Variants in STS observed in about 807,000 individuals in gnomAD.
STS encodes the protein steryl-sulfatase.
A neutral mutation model predicts 26.8 loss-of-function variants in STS; 7 were observed. The ratio of observed to expected loss-of-function variants is 0.26; its 90% CI spans 0.15 to 0.49. The LOEUF (loss-of-function observed/expected upper bound fraction) is 0.49, where lower values mean the gene tolerates loss of function less well. Among genes scored for constraint, STS ranks in the 20% least tolerant of loss-of-function variants. The pLI is 0.98. For synonymous variants in STS, 199 were observed against 189.4 expected, an observed-to-expected ratio of 1.05 and a Z score of -0.42; for missense variants, 434 against 465.6, an observed-to-expected ratio of 0.93 and a Z score of 0.63.
intron 1 of STS, among the ~76,000 whole-genome samples, chrX:7,159,144 C>T (rs1280734794): frequency 2.7e-5 from 3 of 109,500 alleles, no homozygotes; most frequent in African/African-American, 1.0e-4. Flanking sequence ...TTTCCTTTTT[C>T]CCTAAATGCT....
chrX:7,304,947 T>A, intron 7 of STS, 99 bp from the exon 8 acceptor site: 1 of 1,020,657 alleles, frequency 9.8e-7, no homozygotes. Flanking sequence ...GAACGTTTAC[T>A]TCCACCTTGA....
At chrX:7,266,400 C>T (rs1193733445) in intron 6 of STS, among the ~76,000 whole-genome samples, 1 of 111,772 alleles carries the variant, frequency 8.9e-6, no homozygotes, top group Non-Finnish European at 1.9e-5. Flanking sequence ...GTGATTCTTG[C>T]AAATGAGGTC....
intron 10 of STS, among the ~76,000 whole-genome samples, chrX:7,344,984 T>C (rs1163039987): frequency 1.8e-5 from 2 of 111,307 alleles, no homozygotes; most frequent in Non-Finnish European, 3.8e-5. Flanking sequence ...TTATGGACTG[T>C]TGTGACTGCT....
At chrX:7,299,412 T>C (rs1420292020) in intron 7 of STS, among the ~76,000 whole-genome samples, 1 of 102,549 alleles carries the variant, frequency 9.8e-6, no homozygotes, top group Non-Finnish European at 1.9e-5. Flanking sequence ...ATAAAATATA[T>C]AATTTTATAT....
At chrX:7,245,648 G>C (rs1043995151) in intron 2 of STS, among the ~76,000 whole-genome samples, 31 of 112,549 alleles carry the variant, frequency 2.8e-4, no homozygotes, top group African/African-American at 9.7e-4. Flanking sequence ...CCTGGCTGCA[G>C]AATGCTTCCA....
intron 1 of STS, among the ~76,000 whole-genome samples, chrX:7,168,793 G>A (rs1476916014): frequency 1.8e-5 from 2 of 111,584 alleles, no homozygotes; most frequent in East Asian, 5.6e-4. Context: ...AGATGCCTGG[G>A]TCTGGTGCCA....
intron 2 of STS, among the ~76,000 whole-genome samples, chrX:7,199,474 C>T (rs1934030187): frequency 1.8e-5 from 2 of 111,791 alleles, no homozygotes; most frequent in South Asian, 7.4e-4. Flanking sequence ...ATCGTGTTTT[C>T]ACAGTTTCCT....
At position 7,246,602 on chromosome X, in the gene STS, G is replaced by A. The variant is rs759256691; in HGVS notation, c.-4-6594G>A. 2.5e-3 allele frequency among the ~76,000 whole-genome samples: 277 copies of A among 111,516 alleles called. 3 individuals carry two copies. Among genetic ancestry groups the A allele is most frequent in the African/African-American group, 8.0e-3 (245 of 30,754 alleles). On this transcript the variant is annotated intron_variant, in intron 2 of 10. Transcript: ENST00000674429. ...ATTACAGGCGTGAGCCACCGCGCCC[G>A]GCCCTGGGAGAGACTTTCAACTTAG...
At chrX:7,326,162 C>T (rs1927458242) in intron 9 of STS, among the ~76,000 whole-genome samples, 1 of 110,327 alleles carries the variant, frequency 9.1e-6, no homozygotes, top group South Asian at 3.9e-4. Context: ...TGCACTGAGG[C>T]CACTGCTGAG....
intron 1 of STS, among the ~76,000 whole-genome samples, chrX:7,178,644 A>G (rs1309863298): frequency 8.9e-6 from 1 of 112,348 alleles, no homozygotes; most frequent in East Asian, 2.8e-4. Flanking sequence ...TTCCTTTCCT[A>G]ACAAACTTCT....
intron 2 of STS, among the ~76,000 whole-genome samples, chrX:7,233,091 C>CTTTTTTTTTTTT (rs3077766): frequency 2.9e-5 from 2 of 69,872 alleles, no homozygotes; most frequent in Admixed American, 2.0e-4. Flanking sequence ...TTCTTTTTTT[C>CTTTTTTTTTTTT]TTTTTTTTTT....
At chrX:7,204,863 C>G (rs1934168963) in intron 2 of STS, among the ~76,000 whole-genome samples, 1 of 107,208 alleles carries the variant, frequency 9.3e-6, no homozygotes, top group Admixed American at 1.0e-4. Context: ...CTTTGCTTGC[C>G]TCCCTTTTTT....
At chrX:7,276,237 C>CT (rs1344452708) in intron 7 of STS, 150 bp downstream of exon 7, 17 of 733,170 alleles carry the variant, frequency 2.3e-5, no homozygotes, top group Non-Finnish European at 3.2e-5. Flanking sequence ...TGCATTGATC[C>CT]TGAAAGGTAA....
chrX:7,184,098 C>T (rs1279722126), intron 1 of STS, among the ~76,000 whole-genome samples: 2 of 112,245 alleles, frequency 1.8e-5, no homozygotes, highest in East Asian at 5.6e-4. Flanking sequence ...GCTTGAGTAA[C>T]TTTGCAAAAC....
At chrX:7,334,476 C>G (rs1177329347) in intron 10 of STS, among the ~76,000 whole-genome samples, 3 of 111,752 alleles carry the variant, frequency 2.7e-5, no homozygotes, top group Non-Finnish European at 5.7e-5. Flanking sequence ...GAAAGCAGCC[C>G]CTGTGCTCTG....
chrX:7,266,403 A>G (rs750966103), intron 6 of STS, among the ~76,000 whole-genome samples: 3 of 111,883 alleles, frequency 2.7e-5, no homozygotes, highest in Non-Finnish European at 5.6e-5. Flanking sequence ...ATTCTTGCAA[A>G]TGAGGTCCAC....
intron 7 of STS, among the ~76,000 whole-genome samples, chrX:7,286,405 C>T (rs756661723): frequency 9.0e-6 from 1 of 110,894 alleles, no homozygotes; most frequent in East Asian, 2.9e-4. Context: ...ATTGCACACC[C>T]GTATTGCTGA....
At chrX:7,274,057 G>A (rs1364488580) in intron 6 of STS, among the ~76,000 whole-genome samples, 2 of 111,493 alleles carry the variant, frequency 1.8e-5, no homozygotes, top group African/African-American at 6.5e-5. Context: ...GATGTGCAGA[G>A]CATTGAGCTG....
intron 7 of STS, among the ~76,000 whole-genome samples, chrX:7,298,918 T>A (rs192123298): frequency 5.8e-5 from 6 of 104,038 alleles, no homozygotes; most frequent in Admixed American, 4.5e-4. Flanking sequence ...TTTAAGGGGA[T>A]ATCTACCTAT....
Sources: allele counts gnomAD v4.1 joint callset (sites outside exome capture counted in the v4.1 genomes callset), GRCh38; gene constraint gnomAD v4.1.1; transcripts MANE v1.5; gene names NCBI Gene and HGNC (gene_info 2026-07-23, HGNC 2026-07-21).